Variants in IKZF1 observed in about 807,000 individuals in gnomAD.
IKZF1 encodes IKAROS family zinc finger 1.
A neutral mutation model predicts 51.7 loss-of-function variants in IKZF1; 10 were observed. The observed-to-expected ratio is 0.19, with a 90% CI of 0.12 to 0.33. IKZF1 has a LOEUF of 0.33. Among genes scored for constraint, IKZF1 ranks in the 10% least tolerant of loss-of-function variants. IKZF1 has a pLI of 1.00. For synonymous variants in IKZF1, 280 were observed against 282.3 expected (o/e 0.99, Z 0.08); for missense variants, 484 against 707.5 (o/e 0.68, Z 3.58).
intron 3 of IKZF1, among the ~76,000 whole-genome samples, chr7:50,335,468 A>G (rs1354620216): frequency 2.0e-5 from 2 of 100,376 alleles, no homozygotes; most frequent in East Asian, 3.5e-4. Flanking sequence ...GTATGTGTGT[A>G]TGGGATGTGT....
intron 6 of IKZF1, among the ~76,000 whole-genome samples, chr7:50,390,996 A>G (rs754740473): frequency 2.6e-5 from 4 of 152,242 alleles, no homozygotes; most frequent in African/African-American, 7.2e-5. Flanking sequence ...CCGGGAAATG[A>G]AAGAGTTATA....
At chr7:50,364,563 C>G (rs562061889) in intron 3 of IKZF1, among the ~76,000 whole-genome samples, 25 of 152,370 alleles carry the variant, frequency 1.6e-4, no homozygotes, top group African/African-American at 5.3e-4. Context: ...GCTAATCCCA[C>G]AGTGACTGCT....
intron 5 of IKZF1, among the ~76,000 whole-genome samples, chr7:50,383,439 T>C (rs1812433618): frequency 6.6e-6 from 1 of 152,180 alleles, no homozygotes; most frequent in African/African-American, 2.4e-5. Context: ...TCCTGAGAAA[T>C]GGTCCTGGGT....
At chr7:50,330,140 G>A (rs1016762871) in intron 3 of IKZF1, among the ~76,000 whole-genome samples, 3 of 152,216 alleles carry the variant, frequency 2.0e-5, no homozygotes, top group Non-Finnish European at 4.4e-5. Context: ...CTTGGAGTCA[G>A]GGGCGGGTTT....
chr7:50,365,804 A>C (rs1001518025), intron 3 of IKZF1, among the ~76,000 whole-genome samples: 1 of 152,228 alleles, frequency 6.6e-6, no homozygotes, highest in African/African-American at 2.4e-5. Flanking sequence ...GAGTCATTCT[A>C]CCGTAAGACA....
chr7:50,337,217 G>A (rs2153408948), intron 3 of IKZF1, among the ~76,000 whole-genome samples: 1 of 152,264 alleles, frequency 6.6e-6, no homozygotes, highest in South Asian at 2.1e-4. Context: ...GGGGGTCACA[G>A]GACTAGGGGA....
intron 3 of IKZF1, among the ~76,000 whole-genome samples, chr7:50,349,702 G>A (rs1321364671): frequency 6.6e-6 from 1 of 152,094 alleles, no homozygotes; most frequent in Non-Finnish European, 1.5e-5. Flanking sequence ...TGGGTGGGGA[G>A]TTATTGGGGT....
At chr7:50,304,052 C>A, upstream of IKZF1, 1 of 144,236 alleles carries the variant, frequency 6.9e-6, no homozygotes, top group South Asian at 2.1e-4. Context: ...GCGGGGGTGG[C>A]GGCGGCGCGC....
At chr7:50,394,909 T>A (rs1451174256) in intron 7 of IKZF1, among the ~76,000 whole-genome samples, 3 of 152,198 alleles carry the variant, frequency 2.0e-5, no homozygotes, top group Non-Finnish European at 2.9e-5. Flanking sequence ...TAAATAGCAA[T>A]GATAATTGTT....
Position 50,372,279 on chromosome 7 carries a change from T to C in IKZF1, c.161-4254T>C, listed in dbSNP as rs536090813. Among the ~76,000 whole-genome samples the C allele has an allele frequency of 9.2e-5, 14 of 152,312 alleles. No homozygotes were observed. The South Asian group carries it at 2.7e-3, about 29-fold the overall frequency. ...AAAGAAAAGAGGAGCTTAACCCCAT[T>C]TACGGGAAATCCACGCACTGCTTGA... On this transcript the variant is annotated intron_variant, in intron 3 of 7. Transcript: ENST00000331340.
chr7:50,366,888 G>A (rs1197072571), intron 3 of IKZF1, among the ~76,000 whole-genome samples: 1 of 152,152 alleles, frequency 6.6e-6, no homozygotes, highest in Non-Finnish European at 1.5e-5. Flanking sequence ...CCATATGGAG[G>A]CAATCAGTTT....
At chr7:50,339,559 G>A (rs1313802109) in intron 3 of IKZF1, among the ~76,000 whole-genome samples, 1 of 151,934 alleles carries the variant, frequency 6.6e-6, no homozygotes, top group Non-Finnish European at 1.5e-5. Context: ...GACCAGCCTG[G>A]CCAATATGGT....
At position 50,327,619 on chromosome 7, in the gene IKZF1, A is replaced by T. The variant is rs985831502; in HGVS notation, c.41-19A>T. On this transcript the variant is annotated intron_variant, in intron 2 of 7. Transcript: ENST00000331340. ...TTGACCATGACCGCCCGAGACTCAC[A>T]CTTCTTCTTTCTCATCAGGGAAGGA... 6.2e-7 allele frequency: 1 copy of T among 1,600,424 alleles called. No homozygotes were observed. Among genetic ancestry groups the T allele is most frequent in the South Asian group, 1.1e-5 (1 of 88,696 alleles).
chr7:50,347,235 C>T (rs1800602071), intron 3 of IKZF1, among the ~76,000 whole-genome samples: 2 of 152,096 alleles, frequency 1.3e-5, no homozygotes, highest in South Asian at 4.1e-4. Context: ...TAGTTAAAAA[C>T]AGAGCCTTTT....
At chr7:50,326,810 G>A (rs762481941) in intron 2 of IKZF1, among the ~76,000 whole-genome samples, 10 of 152,218 alleles carry the variant, frequency 6.6e-5, no homozygotes, top group Non-Finnish European at 1.2e-4. Flanking sequence ...TTTCCCAGTA[G>A]GCATGGGGTT....
intron 3 of IKZF1, among the ~76,000 whole-genome samples, chr7:50,370,721 C>T (rs1808412001): frequency 6.6e-6 from 1 of 152,164 alleles, no homozygotes; most frequent in South Asian, 2.1e-4. Flanking sequence ...TGAAAGAGCC[C>T]ACGGTGGGCA....
At chr7:50,395,691 T>G (rs1438967561) in intron 7 of IKZF1, among the ~76,000 whole-genome samples, 2 of 152,224 alleles carry the variant, frequency 1.3e-5, no homozygotes, top group African/African-American at 4.8e-5. Context: ...TTCTTCTTAT[T>G]TATGTTTATT....
In IKZF1 at chr7:50,338,096, C is replaced by A. The variant is rs965115794; in HGVS notation, c.160+10339C>A. The stretch of plus-strand genomic sequence containing the variant: ...CTGACATGTGAATTTTAAAAAAAAA[C>A]TATAGAGAAATTGGACCAGAAAGGT... On this transcript the variant is annotated intron_variant, in intron 3 of 7. Coordinates refer to ENST00000331340, the MANE Select transcript of IKZF1 (RefSeq NM_006060.6). Among the ~76,000 whole-genome samples, 11 of 152,162 alleles carry A rather than the reference C, an allele frequency of 7.2e-5. No individual in the cohort carries two copies. In the East Asian group the frequency reaches 2.1e-3, roughly 29 times the overall value.
intron 3 of IKZF1, among the ~76,000 whole-genome samples, chr7:50,337,001 G>A (rs1459510798): frequency 1.3e-5 from 2 of 152,180 alleles, no homozygotes; most frequent in African/African-American, 4.8e-5. Flanking sequence ...GAAACATGGC[G>A]AGAGGAGTTG....
Sources: gnomAD v4.1 joint callset for allele counts (sites outside exome capture counted in the v4.1 genomes callset) on GRCh38, gnomAD v4.1.1 for gene constraint, MANE v1.5 for transcripts, NCBI Gene and HGNC (gene_info 2026-07-23, HGNC 2026-07-21) for gene names.